Variants in FRRS1L observed in about 807,000 individuals in gnomAD.
FRRS1L encodes the protein ferric chelate reductase 1 like, also known as DOMON domain-containing protein FRRS1L.
In FRRS1L, 22 loss-of-function variants were observed where a neutral mutation model predicts 28.6. That is an observed-to-expected ratio of 0.77 (90% CI 0.55 to 1.10). The LOEUF (loss-of-function observed/expected upper bound fraction) is 1.10, where lower values mean the gene tolerates loss of function less well. Among genes scored for constraint, FRRS1L ranks in the 50% least tolerant of loss-of-function variants. The probability of loss-of-function intolerance (pLI) is 0.00; values close to 1 mark genes in which losing one functional copy is unlikely to be tolerated. For synonymous variants in FRRS1L, 158 were observed against 151.4 expected (o/e 1.04, Z -0.32); for missense variants, 380 against 386.9 (o/e 0.98, Z 0.15).
chr9:109,158,857 G>T (rs1453866894), intron 1 of FRRS1L, among the ~76,000 whole-genome samples: 1 of 152,194 alleles, frequency 6.6e-6, no homozygotes, highest in East Asian at 1.9e-4. Flanking sequence ...GCATCATATG[G>T]TAATTCTGTG....
chr9:109,150,955 G>A (rs967538066), intron 1 of FRRS1L: 10 of 152,112 alleles, frequency 6.6e-5, no homozygotes, highest in Non-Finnish European at 1.2e-4. Context: ...TCTATTTTAT[G>A]AGTTTTTTTC....
At chr9:109,156,689 G>GT (rs57521762) in intron 1 of FRRS1L, among the ~76,000 whole-genome samples, 13,273 of 133,486 alleles carry the variant, frequency 0.099, 922 homozygotes, top group East Asian at 0.18. Flanking sequence ...GCACCTGGAT[G>GT]TTTTTTTTTT....
rs1262068275 is a variant in FRRS1L, at chr9:109,153,003, TGTG to T, written c.239-3286_239-3284del. Among the ~76,000 whole-genome samples the T allele has an allele frequency of 2.6e-5, 4 of 152,094 alleles. 1 individual carries two copies. Among genetic ancestry groups the T allele is most frequent in the African/African-American group, 7.2e-5 (3 of 41,410 alleles). On this transcript the variant is annotated intron_variant, in intron 1 of 4. Transcript: ENST00000561981. ...GCTTCTAAAACTTGTAATAGGAACT[TGTG>T]TTCTGTCAAATGCACTTGGACATGC... is the stretch of plus-strand genomic sequence containing the variant.
intron 1 of FRRS1L, among the ~76,000 whole-genome samples, chr9:109,164,108 G>C (rs1831513427): frequency 6.6e-6 from 1 of 152,110 alleles, no homozygotes; most frequent in African/African-American, 2.4e-5. Flanking sequence ...AGCGTCTTGG[G>C]AAAGTCTCTA....
At chr9:109,157,589 G>T (rs773063834) in intron 1 of FRRS1L, among the ~76,000 whole-genome samples, 34 of 152,144 alleles carry the variant, frequency 2.2e-4, no homozygotes, top group Non-Finnish European at 4.6e-4. Context: ...TGTTGCCCAG[G>T]CTGGTCTCAA....
intron 3 of FRRS1L, among the ~76,000 whole-genome samples, chr9:109,145,228 C>T (rs1225204176): frequency 3.3e-5 from 5 of 152,220 alleles, no homozygotes; most frequent in African/African-American, 4.8e-5. Context: ...CAGGGAAGAG[C>T]AGGGGCCAGT....
At position 109,147,177 on chromosome 9, in the gene FRRS1L, T is replaced by C. The variant is rs753741493; in HGVS notation, c.336A>G (p.Pro112=). Residue 112 remains proline (P), a synonymous_variant, in exon 3 of 5, where the codon CCA becomes CCG. Transcript: ENST00000561981. ...KTKGCFRYGK[P]GCNAETCDYF... ...AGTCACAGGTCTCTGCATTACAGCC[T>C]GGTTTGCCATATCTAGAAGAGATAT... 1.2e-6 allele frequency: 2 copies of C among 1,613,416 alleles called. No individual in the cohort carries two copies. Among genetic ancestry groups the C allele is most frequent in the Admixed American group, 3.3e-5 (2 of 59,968 alleles).
rs759702689 is a variant in FRRS1L, at chr9:109,137,594, G to A, written c.743C>T (p.Pro248Leu). Residue 248 changes from proline to leucine, a missense_variant, in exon 5 of 5, where the codon CCG (proline) becomes CTG (leucine). By Grantham distance (98) the Pro-to-Leu change is moderately conservative (BLOSUM62 -3). Transcript: ENST00000561981. ...SITRHDIDSP[P>L]ASERVVSIYK... ...AATACTGACAACACGCTCTGAAGCC[G>A]GCGGTGAGTCTATATCATGTCGAGT... 24 of 1,610,354 alleles carry A rather than the reference G, an allele frequency of 1.5e-5. No individual in the cohort carries two copies. The highest frequency in any genetic ancestry group is 7.7e-5 in the South Asian group (7 of 90,474).
At position 109,130,609 on chromosome 9, in the gene FRRS1L, T is replaced by C. The variant is rs1831047290; in HGVS notation, c.*6846A>G. The C allele has an allele frequency of 6.6e-6, 1 of 152,228 alleles. No homozygotes were observed. 9.4% of individuals were successfully genotyped at this position (152,228 alleles called of 1,614,324 possible). A position where few individuals can be genotyped will look rare whatever the true frequency, so the allele number is the denominator to read the frequency against. ...TTAATCACAAACATTAGGTACACAA[T>C]TGTTATAAAACAAATATAACCTATC... On this transcript the variant is annotated 3_prime_UTR_variant, in exon 5 of 5. Transcript: ENST00000561981.
At chr9:109,141,987 T>G (rs1453706945) in intron 3 of FRRS1L, among the ~76,000 whole-genome samples, 3 of 151,512 alleles carry the variant, frequency 2.0e-5, no homozygotes, top group Non-Finnish European at 4.4e-5. Flanking sequence ...AGAAACTATT[T>G]CAAAATATAC....
At chr9:109,154,013 T>C (rs1455777796) in intron 1 of FRRS1L, among the ~76,000 whole-genome samples, 1 of 152,006 alleles carries the variant, frequency 6.6e-6, no homozygotes, top group Non-Finnish European at 1.5e-5. Context: ...GGACTGTTCC[T>C]TCCTGTGTGA....
chr9:109,148,054 C>T (rs920120955), intron 2 of FRRS1L: 1 of 151,992 alleles, frequency 6.6e-6, no homozygotes, highest in Non-Finnish European at 1.5e-5. Context: ...CTGCAACCTC[C>T]ACCTCTTGGG....
Position 109,137,647 on chromosome 9 carries a change from G to T in FRRS1L, c.710-20C>A, listed in dbSNP as rs1402133960. The T allele has an allele frequency of 6.7e-7, 1 of 1,493,554 alleles. No individual in the cohort carries two copies. The allele number at this position is 1,493,554 out of a possible 1,614,324, so 92.5% of individuals were successfully genotyped here. The stretch of plus-strand genomic sequence containing the variant: ...TAGAGCCTTTAAGAAAAAAAGAGAA[G>T]AGCAGGGGCAATTGAAAAAAGAACA... On this transcript the variant is annotated intron_variant, in intron 4 of 4. Transcript: ENST00000561981.
intron 1 of FRRS1L, chr9:109,149,976 G>C (rs898298653): frequency 5.5e-6 from 2 of 361,804 alleles, no homozygotes; most frequent in African/African-American, 4.2e-5. Context: ...CTGGGGCACT[G>C]AGAGAGGCAC....
intron 1 of FRRS1L, among the ~76,000 whole-genome samples, chr9:109,155,986 G>C (rs566083706): frequency 6.6e-6 from 1 of 152,228 alleles, no homozygotes; most frequent in South Asian, 2.1e-4. Context: ...AAAAATGGAT[G>C]CTTGCATCCC....
chr9:109,131,832 T>C lies in FRRS1L; in HGVS notation c.*5623A>G, dbSNP rs905415699. ...TACAATTATACACGGCAGCAAAGTA[T>C]ACACATCCCAGCCTTTGGCCTAGTG... On this transcript the variant is annotated 3_prime_UTR_variant, in exon 5 of 5. Transcript: ENST00000561981. The C allele has an allele frequency of 2.0e-5, 3 of 152,222 alleles. No homozygotes were observed. The highest frequency in any genetic ancestry group is 7.2e-5 in the African/African-American group (3 of 41,462). The allele number at this position is 152,222 out of a possible 1,614,324, so 9.4% of individuals were successfully genotyped here. A position where few individuals can be genotyped will look rare whatever the true frequency, so the allele number is the denominator to read the frequency against.
intron 1 of FRRS1L, 118 bp from the exon 2 acceptor site, chr9:109,149,838 G>A (rs1831309697): frequency 2.8e-6 from 2 of 713,044 alleles, no homozygotes; most frequent in Non-Finnish European, 4.8e-6. Context: ...TGGGGACTCA[G>A]AAAATGGCTT....
intron 1 of FRRS1L, among the ~76,000 whole-genome samples, chr9:109,155,875 T>G (rs185349872): frequency 2.5e-4 from 38 of 151,720 alleles, no homozygotes; most frequent in African/African-American, 9.2e-4. Flanking sequence ...TGGTGACAGA[T>G]GCACAACCCT....
chr9:109,149,674 G>T lies in FRRS1L; in HGVS notation c.285C>A (p.Ile95=), dbSNP rs1175070188. The T allele has an allele frequency of 1.2e-6, 2 of 1,613,784 alleles. No individual in the cohort carries two copies. The highest frequency in any genetic ancestry group is 1.6e-4 in the Middle Eastern group (1 of 6,062). ...TAGTTTTTCCACAGTCGTCCACTTTGATTTTGGCAAATGGATCCACAGGAG... is the reference window on the plus strand; with the variant it reads ...TAGTTTTTCCACAGTCGTCCACTTTTATTTTGGCAAATGGATCCACAGGAG... ...TAPPVDPFAK[I]KVDDCGKTKG... is the part of the protein sequence containing the mutation. The change falls in exon 2 of 5, where the codon ATC becomes ATA. Residue 95 remains isoleucine, a synonymous_variant. Coordinates refer to ENST00000561981, the MANE Select transcript of FRRS1L (RefSeq NM_014334.4).
Sources: allele counts gnomAD v4.1 joint callset (sites outside exome capture counted in the v4.1 genomes callset), GRCh38; gene constraint gnomAD v4.1.1; transcripts MANE v1.5; gene names NCBI Gene and HGNC (gene_info 2026-07-23, HGNC 2026-07-21).